INTS14: variants seen among roughly 807,000 people sequenced by gnomAD.
INTS14 encodes UPF0464 protein C15orf44.
A neutral mutation model predicts 56.9 loss-of-function variants in INTS14; 27 were observed. The ratio of observed to expected loss-of-function variants is 0.47; its 90% confidence interval spans 0.35 to 0.65. INTS14 has a LOEUF of 0.65. Ranked by LOEUF, INTS14 falls within the 30% of genes least tolerant of loss-of-function variation. The probability of loss-of-function intolerance (pLI) is 0.00; values close to 1 mark genes in which losing one functional copy is unlikely to be tolerated. For synonymous variants in INTS14, 207 were observed against 236.2 expected, an observed-to-expected ratio of 0.88 and a Z score of 1.13; for missense variants, 517 against 632.2, an observed-to-expected ratio of 0.82 and a Z score of 1.95.
In INTS14 at chr15:65,579,368, A is replaced by T; in HGVS notation, c.*40T>A. ...AAAGGTTTTTACCTAAAGCATTTTC[A>T]GTTGAAATGAAAAAAGAAGGAAAGC... On this transcript the variant is annotated 3_prime_UTR_variant, in exon 12 of 12. Coordinates refer to ENST00000313182, the MANE Select transcript of INTS14 (RefSeq NM_001394796.1). The T allele has an allele frequency of 6.3e-7, 1 of 1,594,194 alleles. No individual in the cohort carries two copies. Among genetic ancestry groups the T allele is most frequent in the Non-Finnish European group, 8.6e-7 (1 of 1,166,074 alleles).
chr15:65,588,303 AAAT>A (rs201363711), intron 9 of INTS14, among the ~76,000 whole-genome samples: 23 of 151,390 alleles, frequency 1.5e-4, no homozygotes, highest in Non-Finnish European at 3.1e-4. Flanking sequence ...TAAATAAATA[AAAT>A]AATAATAATA....
chr15:65,592,054 T>TAC (rs2073051463), intron 8 of INTS14, among the ~76,000 whole-genome samples: 1 of 152,212 alleles, frequency 6.6e-6, no homozygotes, highest in Admixed American at 6.5e-5. Flanking sequence ...CTGTGACCTA[T>TAC]AGGTCCTGTC....
chr15:65,609,621 C>A (rs1467167844), intron 1 of INTS14, among the ~76,000 whole-genome samples: 1 of 152,174 alleles, frequency 6.6e-6, no homozygotes, highest in African/African-American at 2.4e-5. Flanking sequence ...TAGCAAAATA[C>A]ATTATAAATG....
intron 8 of INTS14, 101 bp from the exon 9 acceptor site, chr15:65,591,832 A>G: frequency 7.3e-7 from 1 of 1,371,378 alleles, no homozygotes. Flanking sequence ...CACAGGCTTC[A>G]GCTTTGAAAT....
chr15:65,592,437 A>AT (rs897337491), intron 8 of INTS14, among the ~76,000 whole-genome samples: 5 of 152,306 alleles, frequency 3.3e-5, no homozygotes, highest in African/African-American at 1.2e-4. Flanking sequence ...GGTTTTGCAG[A>AT]TTTTGAGACT....
At chr15:65,593,600 A>G (rs779895253) in intron 7 of INTS14, 28 bp from the exon 8 acceptor site, 1 of 1,598,676 alleles carries the variant, frequency 6.3e-7, no homozygotes, top group South Asian at 1.1e-5. Flanking sequence ...AACAGGTCAG[A>G]CTGAAATTAC....
chr15:65,587,858 C>T (rs1037704621), intron 9 of INTS14, among the ~76,000 whole-genome samples: 6 of 151,962 alleles, frequency 3.9e-5, no homozygotes, highest in South Asian at 2.1e-4. Context: ...GGCATGCACC[C>T]GTGGTCCCAG....
intron 9 of INTS14, among the ~76,000 whole-genome samples, chr15:65,590,300 CAGCCCCTAAAATAT>C (rs1298144442): frequency 6.6e-6 from 1 of 152,206 alleles, no homozygotes; most frequent in Non-Finnish European, 1.5e-5. Flanking sequence ...CAGGGGGCAC[CAGCCCCTAAAATAT>C]AGTTTCCTAA....
intron 9 of INTS14, among the ~76,000 whole-genome samples, chr15:65,590,727 T>A (rs1307938178): frequency 6.6e-6 from 1 of 152,232 alleles, no homozygotes; most frequent in East Asian, 1.9e-4. Flanking sequence ...TCCACTAGAC[T>A]TTGAACAACT....
In INTS14 at chr15:65,579,370, TTGAAA is replaced by T. The variant is rs766201119; in HGVS notation, c.*33_*37del. On this transcript the variant is annotated 3_prime_UTR_variant, in exon 12 of 12. Transcript: ENST00000313182. ...AGGTTTTTACCTAAAGCATTTTCAGTTGAAATGAAAAAAGAAGGAAAGCTCCAAAA... is the reference window on the plus strand; with the variant it reads ...AGGTTTTTACCTAAAGCATTTTCAGTTGAAAAAAGAAGGAAAGCTCCAAAA... 144 of 1,595,094 alleles carry T rather than the reference TTGAAA, an allele frequency of 9.0e-5. 1 individual carries two copies. In the Admixed American group the frequency reaches 2.2e-3, roughly 24 times the overall value.
intron 8 of INTS14, among the ~76,000 whole-genome samples, chr15:65,593,080 C>T (rs986889264): frequency 4.0e-5 from 6 of 148,774 alleles, no homozygotes; most frequent in Non-Finnish European, 8.9e-5. Context: ...CACAGTGAGA[C>T]CCCACTTCTA....
chr15:65,603,616 CTT>C lies in INTS14; in HGVS notation c.330+1511_330+1512del, dbSNP rs201341203. Among the ~76,000 whole-genome samples the C allele has an allele frequency of 2.8e-3, 409 of 145,632 alleles. 1 individual carries two copies. The highest frequency in any genetic ancestry group is 9.2e-3 in the African/African-American group (369 of 39,954). ...GTGAGCCACCATGCCTAGCTACAATCTTTTTTTTTTTTTATTAATAAATAAAT... is the reference window on the plus strand; with the variant it reads ...GTGAGCCACCATGCCTAGCTACAATCTTTTTTTTTTTATTAATAAATAAAT... On this transcript the variant is annotated intron_variant, in intron 3 of 11. Transcript: ENST00000313182.
chr15:65,605,040 T>C (rs1193267013), intron 3 of INTS14, 89 bp downstream of exon 3: 10 of 920,802 alleles, frequency 1.1e-5, no homozygotes, highest in East Asian at 2.4e-5. Flanking sequence ...GAAATTACAA[T>C]GCATGCTGTG....
chr15:65,603,918 T>A (rs983705144), intron 3 of INTS14, among the ~76,000 whole-genome samples: 1 of 152,242 alleles, frequency 6.6e-6, no homozygotes, highest in Non-Finnish European at 1.5e-5. Flanking sequence ...TAGACTATTA[T>A]GATTTTTCTT....
chr15:65,599,073 C>T lies in INTS14; in HGVS notation c.487-83G>A, dbSNP rs188499073. 324 of 867,032 alleles carry T rather than the reference C, an allele frequency of 3.7e-4. 2 individuals are homozygous for T. In the African/African-American group the frequency reaches 4.2e-3, roughly 11 times the overall value. The allele number at this position is 867,032 out of a possible 1,614,324, so 53.7% of individuals were successfully genotyped here. ...CAGCTCACCAAGGTCAAAGCCATTA[C>T]GATAACATAGGCAATAAATAACAGA... On this transcript the variant is annotated intron_variant, in intron 4 of 11. Transcript: ENST00000313182.
intron 1 of INTS14, 118 bp from the exon 2 acceptor site, chr15:65,607,560 A>C: frequency 5.1e-6 from 6 of 1,186,160 alleles, no homozygotes; most frequent in Non-Finnish European, 6.9e-6. Flanking sequence ...TGAGGTGAGG[A>C]ATAATCTGTA....
intron 8 of INTS14, 82 bp from the exon 9 acceptor site, chr15:65,591,813 C>A: frequency 6.7e-7 from 1 of 1,484,916 alleles, no homozygotes. Context: ...GTATTTTTCT[C>A]TTGAGAGACA....
chr15:65,585,596 G>T (rs1042023973), intron 9 of INTS14, among the ~76,000 whole-genome samples: 3 of 152,236 alleles, frequency 2.0e-5, no homozygotes, highest in African/African-American at 4.8e-5. Flanking sequence ...AACAAACAGG[G>T]TTTGTCTCTG....
intron 7 of INTS14, among the ~76,000 whole-genome samples, chr15:65,594,225 T>C (rs940732320): frequency 2.0e-5 from 3 of 152,218 alleles, no homozygotes; most frequent in African/African-American, 7.2e-5. Context: ...TCTCACACTC[T>C]GCTGACAGAT....
Sources: allele counts gnomAD v4.1 joint callset (sites outside exome capture counted in the v4.1 genomes callset), GRCh38; gene constraint gnomAD v4.1.1; transcripts MANE v1.5; gene names NCBI Gene and HGNC (gene_info 2026-07-23, HGNC 2026-07-21).